The following AADAC variants were observed in gnomAD, a reference collection of about 807,000 sequenced individuals.
AADAC encodes arylacetamide deacetylase (esterase).
AADAC carries 17 observed loss-of-function variants against 22.7 expected under a neutral mutation model. The observed-to-expected ratio is 0.75, with a 90% CI of 0.51 to 1.12. The LOEUF (loss-of-function observed/expected upper bound fraction) is 1.12. AADAC is among the 50% of genes most tolerant of loss of function. AADAC has a pLI of 0.00. For synonymous variants in AADAC, 167 were observed against 176.3 expected (o/e 0.95, Z 0.42); for missense variants, 465 against 473.9 (o/e 0.98, Z 0.17).
intron 1 of AADAC, among the ~76,000 whole-genome samples, chr3:151,816,876 T>C (rs1716010394): frequency 6.6e-6 from 1 of 151,816 alleles, no homozygotes; most frequent in Admixed American, 6.6e-5. Flanking sequence ...GCAAAAGTGG[T>C]CTTGTTATAT....
intron 2 of AADAC, among the ~76,000 whole-genome samples, chr3:151,818,711 C>A (rs908433377): frequency 1.3e-5 from 2 of 152,046 alleles, no homozygotes; most frequent in Non-Finnish European, 2.9e-5. Context: ...ATCAAGAAAC[C>A]TTTAAAATAT....
At chr3:151,826,767 A>T (rs1347883603) in intron 4 of AADAC, among the ~76,000 whole-genome samples, 3 of 151,960 alleles carry the variant, frequency 2.0e-5, no homozygotes, top group Non-Finnish European at 4.4e-5. Context: ...ACTTGATATA[A>T]AAGATGATGT....
In AADAC at chr3:151,817,478, C is replaced by T. The variant is rs1716041409; in HGVS notation, c.251C>T (p.Thr84Ile). ...GATGAAAATGTCACTGTGACTGAGA[C>T]AAAATTCAACAACATTCTTGTTCGG... ...TSDENVTVTETKFNNILVRVY... is the reference protein window; with the variant it reads ...TSDENVTVTEIKFNNILVRVY... Residue 84 changes from threonine (T) to isoleucine (I), a missense_variant, in exon 2 of 5, where the codon ACA becomes ATA. Coordinates refer to ENST00000232892, the MANE Select transcript of AADAC (RefSeq NM_001086.3). 6.2e-7 allele frequency: 1 copy of T among 1,613,686 alleles called. No homozygotes were observed. Among genetic ancestry groups the T allele is most frequent in the Non-Finnish European group, 8.5e-7 (1 of 1,179,682 alleles).
At position 151,828,302 on chromosome 3, in the gene AADAC, T is replaced by C; in HGVS notation, c.*130T>C. 2.1e-6 allele frequency: 1 copy of C among 477,082 alleles called. No homozygotes were observed. The highest frequency in any genetic ancestry group is 7.6e-5 in the South Asian group (1 of 13,190). The allele number at this position is 477,082 out of a possible 1,614,324, so 29.6% of individuals were successfully genotyped here. A position where few individuals can be genotyped will look rare whatever the true frequency, so the allele number is the denominator to read the frequency against. On this transcript the variant is annotated 3_prime_UTR_variant, in exon 5 of 5. Coordinates refer to ENST00000232892, the MANE Select transcript of AADAC (RefSeq NM_001086.3). The stretch of plus-strand genomic sequence containing the variant: ...GTAGCATAATTCTTAAATAGGCACT[T>C]TTCTGTTTTTTTTTTCTTACTGTGG...
intron 3 of AADAC, among the ~76,000 whole-genome samples, chr3:151,822,788 A>G (rs1345873462): frequency 5.3e-5 from 8 of 152,034 alleles, no homozygotes; most frequent in Non-Finnish European, 1.2e-4. Context: ...TCCTTTTGGC[A>G]TGAGGAAAAT....
At chr3:151,814,350 C>A in intron 1 of AADAC, 50 bp downstream of exon 1, 1 of 1,524,428 alleles carries the variant, frequency 6.6e-7, no homozygotes, top group Non-Finnish European at 8.8e-7. Flanking sequence ...ACCATTTGAC[C>A]CAGAGAATTA....
At chr3:151,824,599 A>G (rs1207878706) in intron 3 of AADAC, 64 bp from the exon 4 acceptor site, 5 of 1,284,548 alleles carry the variant, frequency 3.9e-6, no homozygotes, top group Non-Finnish European at 5.1e-6. Context: ...TTTTGCACCA[A>G]TAATATATTA....
chr3:151,827,970 C>CCCTG lies in AADAC; in HGVS notation c.999_1002dup (p.Thr335ProfsTer10), dbSNP rs959739042. On this transcript the variant is annotated frameshift_variant, in exon 5 of 5. Coordinates refer to ENST00000232892, the MANE Select transcript of AADAC (RefSeq NM_001086.3). LOFTEE classifies it low-confidence loss of function (END_TRUNC). ...GATGACAACAAATTACGTGGCTTAC[C>CCCTG]CCTGACCTATGTCATCACCTGTCAA... 6.2e-7 allele frequency: 1 copy of CCCTG among 1,612,550 alleles called. No homozygotes were observed. The highest frequency in any genetic ancestry group is 1.3e-5 in the African/African-American group (1 of 74,956).
intron 3 of AADAC, among the ~76,000 whole-genome samples, chr3:151,821,542 C>G (rs902115439): frequency 6.6e-6 from 1 of 151,898 alleles, no homozygotes; most frequent in African/African-American, 2.4e-5. Flanking sequence ...AAAGTTGGGA[C>G]ATAATCTTGA....
intron 2 of AADAC, among the ~76,000 whole-genome samples, chr3:151,820,133 AT>A (rs1716175792): frequency 6.6e-6 from 1 of 151,998 alleles, no homozygotes; most frequent in Non-Finnish European, 1.5e-5. Flanking sequence ...AGAAGGATCA[AT>A]GGCAAAATGT....
At chr3:151,823,965 A>G (rs1716358688) in intron 3 of AADAC, among the ~76,000 whole-genome samples, 1 of 151,992 alleles carries the variant, frequency 6.6e-6, no homozygotes, top group Non-Finnish European at 1.5e-5. Flanking sequence ...GTGAATTTTT[A>G]AATTTGCATT....
chr3:151,817,999 G>A (rs1716063684), intron 2 of AADAC, among the ~76,000 whole-genome samples: 1 of 151,914 alleles, frequency 6.6e-6, no homozygotes, highest in South Asian at 2.1e-4. Context: ...AGCACTTTGG[G>A]AGGCCAAGGC....
chr3:151,820,307 G>A, intron 2 of AADAC, 76 bp from the exon 3 acceptor site: 1 of 1,049,548 alleles, frequency 9.5e-7, no homozygotes, highest in Non-Finnish European at 1.4e-6. Context: ...AAGTGCAGCA[G>A]GATTTTTGTG....
In AADAC at chr3:151,817,470, G is replaced by A. The variant is rs773800130; in HGVS notation, c.243G>A (p.Val81=). 9.9e-6 allele frequency: 16 copies of A among 1,613,616 alleles called. No individual in the cohort carries two copies. The highest frequency in any genetic ancestry group is 3.3e-5 in the South Asian group (3 of 91,080). The change falls in exon 2 of 5, where the codon GTG becomes GTA. Residue 81 remains valine, a synonymous_variant. Transcript: ENST00000232892. ...VPPTSDENVT[V]TETKFNNILV... ...CAACCTCAGATGAAAATGTCACTGT[G>A]ACTGAGACAAAATTCAACAACATTC...
chr3:151,817,656 A>AGGCACGT lies in AADAC; in HGVS notation c.361+70_361+71insCACGTGG, dbSNP rs1213571251. On this transcript the variant is annotated intron_variant, in intron 2 of 4. Coordinates refer to ENST00000232892, the MANE Select transcript of AADAC (RefSeq NM_001086.3). ...GCAGACATTTTACTAAGTCTTCAGT[A>AGGCACGT]GGTACACATGCCCTTCGGCATGGAC... The AGGCACGT allele has an allele frequency of 2.9e-6, 4 of 1,379,362 alleles. No individual in the cohort carries two copies. The African/African-American group carries it at 5.7e-5, about 20-fold the overall frequency. 85.4% of individuals were successfully genotyped at this position (1,379,362 alleles called of 1,614,324 possible). A position where few individuals can be genotyped will look rare whatever the true frequency, so the allele number is the denominator to read the frequency against.
Position 151,820,381 on chromosome 3 carries a change from A to G in AADAC, c.362-2A>G. ...TATGTTGCTTTTATCCTTTTATTTC[A>G]GCTCTAAGTGGTTATGACTTGCTGT... On this transcript the variant is annotated splice_acceptor_variant, in intron 2 of 4. Coordinates refer to ENST00000232892, the MANE Select transcript of AADAC (RefSeq NM_001086.3). LOFTEE classifies it high-confidence loss of function. 6.4e-7 allele frequency: 1 copy of G among 1,568,750 alleles called. No homozygotes were observed.
rs746893272 is a variant in AADAC, at chr3:151,824,628, C to CA, written c.432-28dup. The CA allele has an allele frequency of 5.3e-6, 6 of 1,126,800 alleles. No homozygotes were observed. The East Asian group carries it at 1.1e-4, about 20-fold the overall frequency. 69.8% of individuals were successfully genotyped at this position (1,126,800 alleles called of 1,614,324 possible). A position where few individuals can be genotyped will look rare whatever the true frequency, so the allele number is the denominator to read the frequency against. On this transcript the variant is annotated intron_variant, in intron 3 of 4. Coordinates refer to ENST00000232892, the MANE Select transcript of AADAC (RefSeq NM_001086.3). ...TATATTACAGTCTAATCAAAACAAA[C>CA]AAAAAAATGTGTAAACTATGTTTTC... is the stretch of plus-strand genomic sequence containing the variant.
Position 151,820,433 on chromosome 3 carries a change from G to A in AADAC, c.412G>A (p.Ala138Thr), listed in dbSNP as rs773308365. 7 of 1,587,308 alleles carry A rather than the reference G, an allele frequency of 4.4e-6. No homozygotes were observed. The South Asian group carries it at 8.1e-5, about 18-fold the overall frequency. ...AAGATGGACAGCAGACAGACTTGAT[G>A]CTGTCGTCGTATCAACCAAGTAAGA... ...LSRWTADRLDAVVVSTNYRLA... is the reference protein window; with the variant it reads ...LSRWTADRLDTVVVSTNYRLA... Residue 138 changes from alanine (A) to threonine (T), a missense_variant, in exon 3 of 5, where the codon GCT becomes ACT. Coordinates refer to ENST00000232892, the MANE Select transcript of AADAC (RefSeq NM_001086.3).
rs748156796 is a variant in AADAC at position 151,827,742 on chromosome 3, A to T, written c.770A>T (p.Asp257Val). Residue 257 changes from aspartate (D) to valine (V), a missense_variant, in exon 5 of 5, where the codon GAT becomes GTT. Coordinates refer to ENST00000232892, the MANE Select transcript of AADAC (RefSeq NM_001086.3). ...VRFWSEYFTT[D>V]RSLEKAMLSR... is the part of the protein sequence containing the mutation. ...TTCTGGAGTGAATATTTTACCACTG[A>T]TAGATCACTTGAAAAAGCCATGCTT... is the stretch of plus-strand genomic sequence containing the variant. 3.7e-6 allele frequency: 6 copies of T among 1,613,264 alleles called. No individual in the cohort carries two copies. Among genetic ancestry groups the T allele is most frequent in the Non-Finnish European group, 3.4e-6 (4 of 1,179,512 alleles).
Sources: allele counts gnomAD v4.1 joint callset (sites outside exome capture counted in the v4.1 genomes callset), GRCh38; gene constraint gnomAD v4.1.1; transcripts MANE v1.5; gene names NCBI Gene and HGNC (gene_info 2026-07-23, HGNC 2026-07-21).